GFOD1: variants seen among roughly 807,000 people sequenced by gnomAD.
The protein encoded by GFOD1 is Gfo/Idh/MocA-like oxidoreductase domain containing 1, also known as glucose-fructose oxidoreductase domain-containing protein 1.
In GFOD1, 9 loss-of-function variants were observed where a neutral mutation model predicts 25.4. The observed-to-expected ratio is 0.35, with a 90% CI of 0.21 to 0.62. The LOEUF is 0.62. GFOD1 is among the 20% of genes least tolerant of loss of function. The pLI is 0.72. For missense variants in GFOD1, 403 were observed against 556.9 expected (o/e 0.72, Z 2.78); for synonymous variants, 253 against 245.6 (o/e 1.03, Z -0.28).
intron 1 of GFOD1, among the ~76,000 whole-genome samples, chr6:13,381,911 GCGCGCA>G (rs946786019): frequency 2.1e-4 from 19 of 91,770 alleles, no homozygotes; most frequent in East Asian, 5.4e-4. Context: ...ACACACGCGC[GCGCGCA>G]CACACACACA....
rs187858341 is a variant in GFOD1, at chr6:13,394,663, C to T, written c.254-29001G>A. 4.9e-3 allele frequency among the ~76,000 whole-genome samples: 741 copies of T among 150,526 alleles called. 8 individuals carry two copies. Among genetic ancestry groups the T allele is most frequent in the African/African-American group, 0.017 (718 of 41,070 alleles). ...CTAATTTTTTTTTTTGAGACAGTCT[C>T]GCTCTGTTGCTCAGGGTGGAGTGCA... On this transcript the variant is annotated intron_variant, in intron 1 of 1. Transcript: ENST00000379287.
chr6:13,359,391 A>C lies in GFOD1; in HGVS notation c.*5352T>G, dbSNP rs950018831. 2.0e-5 allele frequency: 3 copies of C among 152,220 alleles called. No individual in the cohort carries two copies. Among genetic ancestry groups the C allele is most frequent in the Non-Finnish European group, 4.4e-5 (3 of 68,070 alleles). 9.4% of individuals were successfully genotyped at this position (152,220 alleles called of 1,614,324 possible). A position where few individuals can be genotyped will look rare whatever the true frequency, so the allele number is the denominator to read the frequency against. The stretch of plus-strand genomic sequence containing the variant: ...TAAACTCCAAGGCTCTGATGGCCAA[A>C]AACGTAGGCGGTGGTGGAGCAGTAG... On this transcript the variant is annotated 3_prime_UTR_variant, in exon 2 of 2. Coordinates refer to ENST00000379287, the MANE Select transcript of GFOD1 (RefSeq NM_018988.4).
At chr6:13,398,721 G>A (rs533413351) in intron 1 of GFOD1, among the ~76,000 whole-genome samples, 2 of 152,224 alleles carry the variant, frequency 1.3e-5, no homozygotes, top group Non-Finnish European at 2.9e-5. Flanking sequence ...CCTCACTGCC[G>A]CCTGCTCAGC....
At chr6:13,368,932 G>GAC (rs750501903) in intron 1 of GFOD1, among the ~76,000 whole-genome samples, 2 of 152,186 alleles carry the variant, frequency 1.3e-5, no homozygotes, top group Non-Finnish European at 2.9e-5. Context: ...AGGGATCTGA[G>GAC]ACACACACAT....
At chr6:13,423,290 C>T (rs2127568672) in intron 1 of GFOD1, among the ~76,000 whole-genome samples, 1 of 145,738 alleles carries the variant, frequency 6.9e-6, no homozygotes, top group South Asian at 2.1e-4. Context: ...GTATTTTCAA[C>T]TTAATATTTT....
intron 1 of GFOD1, among the ~76,000 whole-genome samples, chr6:13,451,992 AG>A (rs1758106499): frequency 6.6e-6 from 1 of 152,226 alleles, no homozygotes; most frequent in South Asian, 2.1e-4. Context: ...ATAAAAAGTT[AG>A]GTTTGGCGGG....
intron 1 of GFOD1, among the ~76,000 whole-genome samples, chr6:13,456,278 G>A (rs2127574650): frequency 6.6e-6 from 1 of 152,260 alleles, no homozygotes. Context: ...GGGCTCAAGT[G>A]ATCTTCCCAT....
intron 1 of GFOD1, among the ~76,000 whole-genome samples, chr6:13,409,166 G>GAAGGAAA (rs1382880663): frequency 3.5e-4 from 3 of 8,472 alleles, no homozygotes; most frequent in East Asian, 5.5e-3. Flanking sequence ...AAGAAAGAAA[G>GAAGGAAA]GAAAGAGAGA....
intron 1 of GFOD1, chr6:13,469,446 T>A: frequency 1.0e-6 from 1 of 987,956 alleles, no homozygotes; most frequent in Non-Finnish European, 1.2e-6. Context: ...TGATGCAAGT[T>A]CCAGTTCAGT....
chr6:13,413,570 C>T (rs1786114855), intron 1 of GFOD1, among the ~76,000 whole-genome samples: 1 of 152,188 alleles, frequency 6.6e-6, no homozygotes. Flanking sequence ...ACTCTCCTTA[C>T]CCAAGGTAAG....
chr6:13,387,908 C>A (rs995271185), intron 1 of GFOD1, among the ~76,000 whole-genome samples: 1 of 152,230 alleles, frequency 6.6e-6, no homozygotes, highest in Non-Finnish European at 1.5e-5. Context: ...TGATAGGCAA[C>A]TTCAGCAAAG....
intron 1 of GFOD1, among the ~76,000 whole-genome samples, chr6:13,457,264 A>G (rs1049199085): frequency 2.6e-5 from 4 of 152,228 alleles, no homozygotes; most frequent in African/African-American, 9.6e-5. Flanking sequence ...TCCAGAGTCT[A>G]AAATGGAGGG....
rs1784972769 is a variant in GFOD1 at position 13,363,211 on chromosome 6, C to CTGTTTG, written c.*1531_*1532insCAAACA. 1 of 148,628 alleles carries CTGTTTG rather than the reference C, an allele frequency of 6.7e-6. No homozygotes were observed. Among genetic ancestry groups the CTGTTTG allele is most frequent in the Non-Finnish European group, 1.5e-5 (1 of 67,030 alleles). The allele number at this position is 148,628 out of a possible 1,614,324, so 9.2% of individuals were successfully genotyped here. On this transcript the variant is annotated 3_prime_UTR_variant, in exon 2 of 2. Coordinates refer to ENST00000379287, the MANE Select transcript of GFOD1 (RefSeq NM_018988.4). ...TTGTCGGTAGCAACCATTCAAAAAT[C>CTGTTTG]TGTGTGTGTGTGTGTGTGTGTGTGT...
Position 13,486,672 on chromosome 6 carries a change from C to A in GFOD1, c.219G>T (p.Pro73=), listed in dbSNP as rs1423814978. 3.7e-6 allele frequency: 6 copies of A among 1,613,980 alleles called. No homozygotes were observed. The highest frequency in any genetic ancestry group is 1.7e-5 in the Admixed American group (1 of 60,016). ...DVDLVCINLP[P]PLTRQIAVKT... ...TGACAGCGATCTGTCTGGTGAGGGGCGGCGGCAGGTTAATGCACACCAAGT... is the reference window on the plus strand; with the variant it reads ...TGACAGCGATCTGTCTGGTGAGGGGAGGCGGCAGGTTAATGCACACCAAGT... The change falls in exon 1 of 2, where the codon CCG becomes CCT. Residue 73 remains proline (P), a synonymous_variant. Transcript: ENST00000379287.
chr6:13,448,257 A>T (rs1353859785), intron 1 of GFOD1, among the ~76,000 whole-genome samples: 1 of 152,190 alleles, frequency 6.6e-6, no homozygotes, highest in African/African-American at 2.4e-5. Context: ...TTATACATGG[A>T]ACGCTAATGT....
chr6:13,364,764 G>A lies in GFOD1; in HGVS notation c.1152C>T (p.Ser384=), dbSNP rs746229371. Residue 384 remains serine (S), a synonymous_variant, in exon 2 of 2, where the codon AGC becomes AGT. Coordinates refer to ENST00000379287, the MANE Select transcript of GFOD1 (RefSeq NM_018988.4). This position sits in a 1 kb window ranked among gnomAD's most constrained non-coding sequence, Gnocchi z 4.1. ...TGTGCTAACAGTAGAGGGACATCCT[G>A]CTGCGGCGCATGGCCTCGCTGATCA... ...AYLISEAMRR[S]RMSLYC is the part of the protein sequence containing the mutation. 6 of 1,612,864 alleles carry A rather than the reference G, an allele frequency of 3.7e-6. No homozygotes were observed. In the South Asian group the frequency reaches 5.5e-5, roughly 15 times the overall value.
intron 1 of GFOD1, among the ~76,000 whole-genome samples, chr6:13,429,312 A>G (rs754806559): frequency 2.4e-4 from 36 of 152,342 alleles, no homozygotes; most frequent in South Asian, 4.1e-4. Flanking sequence ...TGTGGCCCCA[A>G]CGTGAAATAA....
chr6:13,405,950 G>C (rs1785936374), intron 1 of GFOD1, among the ~76,000 whole-genome samples: 1 of 152,196 alleles, frequency 6.6e-6, no homozygotes, highest in African/African-American at 2.4e-5. Context: ...CCAGGGCCAG[G>C]AGGAGCCTGG....
intron 1 of GFOD1, among the ~76,000 whole-genome samples, chr6:13,405,006 C>T (rs544949673): frequency 1.3e-5 from 2 of 152,204 alleles, no homozygotes; most frequent in African/African-American, 4.8e-5. Context: ...TGTCTATCCT[C>T]AACCCCATCT....
Sources: allele counts gnomAD v4.1 joint callset (sites outside exome capture counted in the v4.1 genomes callset), GRCh38; gene constraint gnomAD v4.1.1; non-coding constraint Gnocchi (gnomAD v3.1); transcripts MANE v1.5; gene names NCBI Gene and HGNC (gene_info 2026-07-23, HGNC 2026-07-21).